ZBTB41: variants seen among roughly 807,000 people sequenced by gnomAD.
ZBTB41 encodes zinc finger and BTB domain-containing protein 41.
Under a neutral mutation model 87.6 loss-of-function variants are expected in ZBTB41, and 42 were observed. That is an observed-to-expected ratio of 0.48 (90% CI 0.37 to 0.62). ZBTB41 has a LOEUF of 0.62. Among genes scored for constraint, ZBTB41 ranks in the 20% least tolerant of loss-of-function variants. The probability of loss-of-function intolerance (pLI) is 0.00; values close to 1 mark genes in which losing one functional copy is unlikely to be tolerated. For missense variants in ZBTB41, 799 were observed against 1,078.9 expected (o/e 0.74, Z 3.63); for synonymous variants, 364 against 364.0 (o/e 1.00, Z 0.00).
At chr1:197,191,460 A>G (rs890767849) in intron 3 of ZBTB41, among the ~76,000 whole-genome samples, 1 of 145,990 alleles carries the variant, frequency 6.8e-6, no homozygotes, top group South Asian at 2.1e-4. Context: ...CTACTTCAAA[A>G]AAAAAAAAAA....
chr1:197,186,986 G>A (rs1659902391), intron 5 of ZBTB41, among the ~76,000 whole-genome samples: 1 of 152,086 alleles, frequency 6.6e-6, no homozygotes. Flanking sequence ...ATATGCATCA[G>A]GAAAATGCAA....
rs1203290395 is a variant in ZBTB41, at chr1:197,157,390, G to A, written c.*1969C>T. The A allele has an allele frequency of 6.6e-6, 1 of 151,400 alleles. No individual in the cohort carries two copies. Among genetic ancestry groups the A allele is most frequent in the Non-Finnish European group, 1.5e-5 (1 of 67,660 alleles). The allele number at this position is 151,400 out of a possible 1,614,324, so 9.4% of individuals were successfully genotyped here. A position where few individuals can be genotyped will look rare whatever the true frequency, so the allele number is the denominator to read the frequency against. On this transcript the variant is annotated 3_prime_UTR_variant, in exon 11 of 11. Transcript: ENST00000367405. Reference sequence around the variant, plus strand: ...TCTACATTAGCTTATATGTAAGGCAGGCTACATTTTTATGTATGATTTCTT... The same window carrying A: ...TCTACATTAGCTTATATGTAAGGCAAGCTACATTTTTATGTATGATTTCTT...
Position 197,172,267 on chromosome 1 carries a change from T to C in ZBTB41, c.1986-19A>G. The C allele has an allele frequency of 1.9e-6, 2 of 1,027,150 alleles. No individual in the cohort carries two copies. The highest frequency in any genetic ancestry group is 2.6e-6 in the Non-Finnish European group (2 of 762,926). 63.6% of individuals were successfully genotyped at this position (1,027,150 alleles called of 1,614,324 possible). ...TTTATATCTAAGAAAATAAAAAGATTTGAGTTTTTCAATATAATTTTAATA... is the reference window on the plus strand; with the variant it reads ...TTTATATCTAAGAAAATAAAAAGATCTGAGTTTTTCAATATAATTTTAATA... On this transcript the variant is annotated intron_variant, in intron 9 of 10. Coordinates refer to ENST00000367405, the MANE Select transcript of ZBTB41 (RefSeq NM_194314.3).
chr1:197,164,032 A>T (rs540110998), intron 10 of ZBTB41, among the ~76,000 whole-genome samples: 1 of 152,104 alleles, frequency 6.6e-6, no homozygotes, highest in Non-Finnish European at 1.5e-5. Context: ...GTTAAATAGC[A>T]ATAATATTAA....
chr1:197,159,460 G>A lies in ZBTB41; in HGVS notation c.2629C>T (p.Gln877Ter). The change falls in exon 11 of 11, where the codon CAA becomes TAA. Residue 877 changes from glutamine to a stop codon, truncating the protein, a stop_gained. Coordinates refer to ENST00000367405, the MANE Select transcript of ZBTB41 (RefSeq NM_194314.3). LOFTEE classifies it high-confidence loss of function. The stretch of plus-strand genomic sequence containing the variant: ...GATTGTTCTCTAGGATCTAGCATTT[G>A]TTCAGGTCGAACTGGGTGAACTATA... The part of the protein sequence containing the change: ...ANIVHPVRPE[Q>*]MLDPREQSYL... 1 of 1,613,946 alleles carries A rather than the reference G, an allele frequency of 6.2e-7. No individual in the cohort carries two copies. The highest frequency in any genetic ancestry group is 1.1e-5 in the South Asian group (1 of 91,084).
chr1:197,179,749 A>C (rs972103907), intron 6 of ZBTB41, among the ~76,000 whole-genome samples: 1 of 152,088 alleles, frequency 6.6e-6, no homozygotes, highest in Non-Finnish European at 1.5e-5. Flanking sequence ...TTTAACCAAA[A>C]AAAAGTTTAA....
At chr1:197,197,418 G>A (rs938031767) in intron 2 of ZBTB41, among the ~76,000 whole-genome samples, 4 of 151,850 alleles carry the variant, frequency 2.6e-5, no homozygotes, top group African/African-American at 9.7e-5. Context: ...AAGAGGAATG[G>A]GTAGAAGAGT....
At position 197,181,637 on chromosome 1, in the gene ZBTB41, A is replaced by T. The variant is rs370277025; in HGVS notation, c.1547-520T>A. Among the ~76,000 whole-genome samples the T allele has an allele frequency of 2.3e-4, 35 of 152,304 alleles. 1 individual carries two copies. The South Asian group carries it at 6.6e-3, about 29-fold the overall frequency. On this transcript the variant is annotated intron_variant, in intron 5 of 10. Transcript: ENST00000367405. Reference sequence around the variant, plus strand: ...TACTGACTGACAAAATATAAGAAAGACAAAGAATGCGTAAAAAAGAAGTTT... The same window carrying T: ...TACTGACTGACAAAATATAAGAAAGTCAAAGAATGCGTAAAAAAGAAGTTT...
At chr1:197,181,601 A>G (rs77076868) in intron 5 of ZBTB41, among the ~76,000 whole-genome samples, 1,858 of 152,300 alleles carry the variant, frequency 0.012, 18 homozygotes, top group Non-Finnish European at 0.02. Context: ...ACTGGAGACA[A>G]GACAGTGTTC....
rs771881678 is a variant in ZBTB41 at position 197,199,527 on chromosome 1, T to C, written c.947A>G (p.Glu316Gly). 1 of 1,610,538 alleles carries C rather than the reference T, an allele frequency of 6.2e-7. No homozygotes were observed. The highest frequency in any genetic ancestry group is 8.5e-7 in the Non-Finnish European group (1 of 1,178,888). ...ACTTTGTTCTTCAATGTCAGAGTAC[T>C]CATCTGACATCTCCTCCTCTAGCTC... ...EDELEEEMSD[E>G]YSDIEEQSEK... Residue 316 changes from glutamate to glycine, a missense_variant, in exon 2 of 11, where the codon GAG becomes GGG. Coordinates refer to ENST00000367405, the MANE Select transcript of ZBTB41 (RefSeq NM_194314.3).
chr1:197,183,428 G>C (rs1041608453), intron 5 of ZBTB41, among the ~76,000 whole-genome samples: 5 of 152,170 alleles, frequency 3.3e-5, no homozygotes, highest in Non-Finnish European at 2.9e-5. Context: ...AGGCTGGCTA[G>C]AAAGTCTTCT....
At chr1:197,184,010 A>T (rs548462945) in intron 5 of ZBTB41, among the ~76,000 whole-genome samples, 69 of 152,222 alleles carry the variant, frequency 4.5e-4, no homozygotes, top group Non-Finnish European at 9.1e-4. Flanking sequence ...TGTAAGTTCC[A>T]ACACTTAAAA....
intron 2 of ZBTB41, 111 bp downstream of exon 2, chr1:197,199,239 CTACT>C (rs1456116451): frequency 5.1e-5 from 53 of 1,042,654 alleles, no homozygotes; most frequent in Admixed American, 1.8e-4. Context: ...GGTATTCTCC[CTACT>C]TAAACAGTCT....
intron 10 of ZBTB41, among the ~76,000 whole-genome samples, chr1:197,162,625 GA>G (rs1233257327): frequency 6.6e-6 from 1 of 152,144 alleles, no homozygotes; most frequent in Non-Finnish European, 1.5e-5. Flanking sequence ...TCTTACTGAT[GA>G]GAAGGGAAAG....
intron 7 of ZBTB41, among the ~76,000 whole-genome samples, 186 bp downstream of exon 7, chr1:197,178,231 A>G (rs1439265765): frequency 1.3e-5 from 2 of 151,982 alleles, no homozygotes; most frequent in African/African-American, 4.8e-5. Context: ...ATAATATTTT[A>G]TACCACAGAA....
At chr1:197,172,329 ATAAC>A (rs1250275321) in intron 9 of ZBTB41, 81 bp from the exon 10 acceptor site, 3 of 349,980 alleles carry the variant, frequency 8.6e-6, no homozygotes, top group African/African-American at 2.2e-5. Flanking sequence ...AATTATATTA[ATAAC>A]TAACATAATG....
rs1659009766 is a variant in ZBTB41 at position 197,154,226 on chromosome 1, C to T, written c.*5133G>A. On this transcript the variant is annotated 3_prime_UTR_variant, in exon 11 of 11. Transcript: ENST00000367405. Reference sequence around the variant, plus strand: ...ATACGCAGTAACAATGAGATGTGTACATCCTCTTCATTCAATACATCTTTT... The same window carrying T: ...ATACGCAGTAACAATGAGATGTGTATATCCTCTTCATTCAATACATCTTTT... 6.6e-6 allele frequency: 1 copy of T among 152,510 alleles called. No individual in the cohort carries two copies. The highest frequency in any genetic ancestry group is 6.6e-5 in the Admixed American group (1 of 15,248). 9.4% of individuals were successfully genotyped at this position (152,510 alleles called of 1,614,324 possible). A position where few individuals can be genotyped will look rare whatever the true frequency, so the allele number is the denominator to read the frequency against.
At chr1:197,172,534 CT>C (rs1659506090) in intron 9 of ZBTB41, among the ~76,000 whole-genome samples, 4 of 151,984 alleles carry the variant, frequency 2.6e-5, no homozygotes, top group African/African-American at 7.2e-5. Flanking sequence ...AGTCACTGAA[CT>C]TTTATTATTA....
At chr1:197,192,978 TTAAGG>T (rs1352823858) in intron 2 of ZBTB41, among the ~76,000 whole-genome samples, 2 of 152,092 alleles carry the variant, frequency 1.3e-5, no homozygotes, top group African/African-American at 4.8e-5. Context: ...ATGTATTTCC[TTAAGG>T]TAAGGGAAGA....
Sources: gnomAD v4.1 joint callset for allele counts (sites outside exome capture counted in the v4.1 genomes callset) on GRCh38, gnomAD v4.1.1 for gene constraint, MANE v1.5 for transcripts, NCBI Gene and HGNC (gene_info 2026-07-23, HGNC 2026-07-21) for gene names.